EGF: variants seen among roughly 807,000 people sequenced by gnomAD.
The protein encoded by EGF is pro-epidermal growth factor.
In EGF, 95 loss-of-function variants were observed where a neutral mutation model predicts 143.8. That is an observed-to-expected ratio of 0.66 (90% CI 0.56 to 0.78). The LOEUF (loss-of-function observed/expected upper bound fraction) is 0.78, where lower values mean the gene tolerates loss of function less well. Ranked by LOEUF, EGF falls within the 30% of genes least tolerant of loss-of-function variation. The pLI is 0.00. For synonymous variants in EGF, 510 were observed against 510.5 expected (o/e 1.00, Z 0.01); for missense variants, 1,320 against 1,470.9 (o/e 0.90, Z 1.68).
intron 5 of EGF, among the ~76,000 whole-genome samples, chr4:109,956,161 T>A (rs1744756644): frequency 6.6e-6 from 1 of 152,208 alleles, no homozygotes; most frequent in African/African-American, 2.4e-5. Flanking sequence ...AGAATTTTTT[T>A]AAAAGAGGGA....
chr4:109,934,471 A>T (rs1740395725), intron 1 of EGF, among the ~76,000 whole-genome samples: 1 of 152,208 alleles, frequency 6.6e-6, no homozygotes, highest in Non-Finnish European at 1.5e-5. Flanking sequence ...GTCCTTTGTC[A>T]GATGGGTAGA....
At chr4:109,961,449 T>C (rs1366887226) in intron 7 of EGF, among the ~76,000 whole-genome samples, 1 of 152,224 alleles carries the variant, frequency 6.6e-6, no homozygotes, top group Non-Finnish European at 1.5e-5. Flanking sequence ...ATCTATAATC[T>C]ATGTATTATA....
intron 20 of EGF, among the ~76,000 whole-genome samples, chr4:109,997,805 A>G (rs1752028951): frequency 6.6e-6 from 1 of 152,006 alleles, no homozygotes; most frequent in Non-Finnish European, 1.5e-5. Flanking sequence ...TGAGATTGCA[A>G]TGAGTTGTGA....
chr4:109,948,380 C>T (rs1261826672), intron 5 of EGF, among the ~76,000 whole-genome samples: 1 of 152,168 alleles, frequency 6.6e-6, no homozygotes, highest in Non-Finnish European at 1.5e-5. Context: ...GATGTAGGGC[C>T]TGTGGATCTC....
Position 109,960,933 on chromosome 4 carries a change from A to G in EGF, c.1133A>G (p.Tyr378Cys). Residue 378 changes from tyrosine to cysteine, a missense_variant, in exon 7 of 24, where the codon TAT (tyrosine) becomes TGT (cysteine). Physicochemically the swap from Tyr to Cys is radical, Grantham distance 194. Coordinates refer to ENST00000265171, the MANE Select transcript of EGF (RefSeq NM_001963.6). ...GGGTGTAAAAACACCCCTGGATCCT[A>G]TTACTGCACGTGCCCTGTAGGATTT... Reference protein sequence around the residue: ...TLGCKNTPGSYYCTCPVGFVL... With the variant: ...TLGCKNTPGSCYCTCPVGFVL... 6.2e-7 allele frequency: 1 copy of G among 1,613,918 alleles called. No homozygotes were observed. The highest frequency in any genetic ancestry group is 8.5e-7 in the Non-Finnish European group (1 of 1,179,894).
At chr4:109,957,878 A>G (rs566207185) in intron 5 of EGF, among the ~76,000 whole-genome samples, 1 of 152,326 alleles carries the variant, frequency 6.6e-6, no homozygotes, top group South Asian at 2.1e-4. Context: ...TGGCCTCTGT[A>G]TCTACCTGCA....
intron 5 of EGF, among the ~76,000 whole-genome samples, chr4:109,948,115 A>C (rs1310889796): frequency 6.6e-6 from 1 of 152,232 alleles, no homozygotes; most frequent in Admixed American, 6.5e-5. Context: ...ATGATTCACT[A>C]AAGTGCAGCC....
At chr4:109,927,491 G>C (rs1242249905) in intron 1 of EGF, among the ~76,000 whole-genome samples, 1 of 152,004 alleles carries the variant, frequency 6.6e-6, no homozygotes, top group African/African-American at 2.4e-5. Context: ...TTGAGAGGCC[G>C]AGGCAGGCGG....
At position 110,009,420 on chromosome 4, in the gene EGF, T is replaced by C. The variant is rs1288825506; in HGVS notation, c.3370+1190T>C. Among the ~76,000 whole-genome samples, 6 of 152,104 alleles carry C rather than the reference T, an allele frequency of 3.9e-5. No individual in the cohort carries two copies. In the South Asian group the frequency reaches 1.0e-3, roughly 26 times the overall value. The stretch of plus-strand genomic sequence containing the variant: ...AGCTAAAAGTGCATAATTCTTACAA[T>C]GGTAACCCACTATAGAGGCACATAT... On this transcript the variant is annotated intron_variant, in intron 23 of 23. Coordinates refer to ENST00000265171, the MANE Select transcript of EGF (RefSeq NM_001963.6).
At chr4:109,991,012 TG>T (rs1254869474) in intron 18 of EGF, among the ~76,000 whole-genome samples, 1 of 152,144 alleles carries the variant, frequency 6.6e-6, no homozygotes, top group Non-Finnish European at 1.5e-5. Context: ...CTGTAACAGA[TG>T]GGTTGGGTTA....
rs1378496031 is a variant in EGF, at chr4:109,941,102, G to A, written c.284G>A (p.Arg95Lys). ...EKRIYWVDLERQLLQRVFLNG... is the reference protein window; with the variant it reads ...EKRIYWVDLEKQLLQRVFLNG... ...AGAATCTATTGGGTGGATTTAGAAA[G>A]ACAACTTTTGCAAAGAGTTTTTCTG... Residue 95 changes from arginine to lysine, a missense_variant, in exon 2 of 24, where the codon AGA becomes AAA. This residue lies in a region of EGF where 41 missense variants were observed against 38.1 expected (regional missense o/e 1.07). Coordinates refer to ENST00000265171, the MANE Select transcript of EGF (RefSeq NM_001963.6). The A allele has an allele frequency of 6.2e-7, 1 of 1,613,972 alleles. No homozygotes were observed. The highest frequency in any genetic ancestry group is 1.7e-5 in the Admixed American group (1 of 60,006).
chr4:109,960,801 T>A, intron 6 of EGF, 66 bp from the exon 7 acceptor site: 1 of 1,597,206 alleles, frequency 6.3e-7, no homozygotes, highest in Non-Finnish European at 8.6e-7. Flanking sequence ...GATGACTTAT[T>A]AGTGATAGCA....
intron 13 of EGF, among the ~76,000 whole-genome samples, chr4:109,976,695 T>C (rs1748552992): frequency 6.6e-6 from 1 of 152,198 alleles, no homozygotes; most frequent in Non-Finnish European, 1.5e-5. Context: ...TTTAAAACAT[T>C]GTAGCTCATG....
chr4:110,011,551 C>T lies in EGF; in HGVS notation c.*96C>T. The stretch of plus-strand genomic sequence containing the variant: ...AGAGCAAAACTATAGGTTTTGGTTC[C>T]ACAATCTCTACGACTAATCACCTAC... On this transcript the variant is annotated 3_prime_UTR_variant, in exon 24 of 24. Coordinates refer to ENST00000265171, the MANE Select transcript of EGF (RefSeq NM_001963.6). 6.3e-7 allele frequency: 1 copy of T among 1,586,318 alleles called. No individual in the cohort carries two copies. Among genetic ancestry groups the T allele is most frequent in the Non-Finnish European group, 8.6e-7 (1 of 1,162,618 alleles).
At chr4:109,930,089 T>G (rs943804260) in intron 1 of EGF, among the ~76,000 whole-genome samples, 2 of 152,208 alleles carry the variant, frequency 1.3e-5, no homozygotes, top group African/African-American at 4.8e-5. Context: ...AGAAGGTGCT[T>G]GCTTCCACTT....
rs1578277718 is a variant in EGF at position 109,964,490 on chromosome 4, C to T, written c.1528C>T (p.Gln510Ter). The change falls in exon 10 of 24, where the codon CAG becomes TAG. Residue 510 changes from glutamine to a stop codon, truncating the protein, a stop_gained. Transcript: ENST00000265171. LOFTEE classifies it high-confidence loss of function. Reference sequence around the variant, plus strand: ...AGACTATGGAACTCTGCTCAGCCAGCAGATGGGAATGGTTTATGCCCTAGA... The same window carrying T: ...AGACTATGGAACTCTGCTCAGCCAGTAGATGGGAATGGTTTATGCCCTAGA... ...GTDYGTLLSQ[Q>*]MGMVYALDHD... The T allele has an allele frequency of 1.1e-5, 18 of 1,613,952 alleles. No individual in the cohort carries two copies. Among genetic ancestry groups the T allele is most frequent in the East Asian group, 2.2e-5 (1 of 44,874 alleles).
chr4:109,957,986 C>T (rs1328822214), intron 5 of EGF, among the ~76,000 whole-genome samples: 1 of 152,108 alleles, frequency 6.6e-6, no homozygotes, highest in Non-Finnish European at 1.5e-5. Context: ...AAATAAGGTG[C>T]AAAAGAGACA....
intron 14 of EGF, chr4:109,980,540 A>G: frequency 4.0e-6 from 2 of 497,688 alleles, no homozygotes; most frequent in Admixed American, 3.3e-5. Context: ...CAGTTTGACT[A>G]GATGATGAGT....
At chr4:109,992,774 A>T (rs1189142771) in intron 18 of EGF, among the ~76,000 whole-genome samples, 1 of 152,134 alleles carries the variant, frequency 6.6e-6, no homozygotes, top group Admixed American at 6.5e-5. Flanking sequence ...ACCATAAAAA[A>T]TGATGAGTTC....
Sources: allele counts gnomAD v4.1 joint callset (sites outside exome capture counted in the v4.1 genomes callset), GRCh38; gene constraint gnomAD v4.1.1; regional missense constraint gnomAD v4.1.1; transcripts MANE v1.5; gene names NCBI Gene and HGNC (gene_info 2026-07-23, HGNC 2026-07-21).